Variants in ERAP1 observed in about 807,000 individuals in gnomAD.
ERAP1 encodes the protein adipocyte-derived leucine aminopeptidase.
ERAP1 carries 86 observed loss-of-function variants against 103.7 expected under a neutral mutation model. The ratio of observed to expected loss-of-function variants is 0.83; its 90% CI spans 0.70 to 0.99. The LOEUF (loss-of-function observed/expected upper bound fraction) is 0.99, where lower values mean the gene tolerates loss of function less well. Ranked by LOEUF, ERAP1 falls within the 50% of genes least tolerant of loss-of-function variation. ERAP1 has a pLI of 0.00. For synonymous variants in ERAP1, 398 were observed against 402.4 expected, an observed-to-expected ratio of 0.99 and a Z score of 0.13; for missense variants, 1,009 against 1,128.4, an observed-to-expected ratio of 0.89 and a Z score of 1.52.
the ERAP1 span, chr5:96,903,668 T>C: frequency 2.9e-6 from 3 of 1,048,838 alleles, no homozygotes; most frequent in Non-Finnish European, 4.1e-6. Flanking sequence ...AATATGGATT[T>C]GAATGGAATT....
the ERAP1 span, chr5:96,873,357 T>C: frequency 1.4e-4 from 62 of 456,250 alleles, no homozygotes; most frequent in East Asian, 3.3e-3. Flanking sequence ...TGGTGCGTGG[T>C]CCATTGCCTG....
chr5:96,844,454 A>T, the ERAP1 span, among the ~76,000 whole-genome samples: 1 of 152,070 alleles, frequency 6.6e-6, no homozygotes, highest in Non-Finnish European at 1.5e-5. Context: ...TTATTTATTT[A>T]TTTTTTGCTT....
the ERAP1 span, chr5:96,909,055 T>C: frequency 9.3e-6 from 15 of 1,614,204 alleles, no homozygotes; most frequent in Middle Eastern, 4.9e-4. Flanking sequence ...TCTGAGTTAC[T>C]TGGAATCGTT....
chr5:96,802,273 T>G (rs78657232), intron 2 of ERAP1, among the ~76,000 whole-genome samples: 3,519 of 152,218 alleles, frequency 0.023, 60 homozygotes, highest in Middle Eastern at 0.055. Context: ...ACTATGTATT[T>G]TAATAAAATC....
the ERAP1 span, chr5:96,896,724 T>C: frequency 6.4e-7 from 1 of 1,563,452 alleles, no homozygotes; most frequent in Non-Finnish European, 8.6e-7. Context: ...TTTTGTTTTT[T>C]TTTAAAGGGA....
chr5:96,784,957 T>A (rs1200352753), intron 13 of ERAP1: 1 of 152,118 alleles, frequency 6.6e-6, no homozygotes, highest in African/African-American at 2.4e-5. Flanking sequence ...AAGAAACAGC[T>A]AGGTAAGCAA....
chr5:96,786,598 AGC>A, intron 11 of ERAP1, 49 bp from the exon 12 acceptor site: 10 of 1,252,310 alleles, frequency 8.0e-6, no homozygotes, highest in Non-Finnish European at 1.1e-5. Context: ...CAATTCAACA[AGC>A]AGTTATTAAA....
the ERAP1 span, among the ~76,000 whole-genome samples, chr5:96,863,337 A>T: frequency 6.6e-6 from 1 of 152,160 alleles, no homozygotes; most frequent in Admixed American, 6.5e-5. Context: ...CCACCTCCTT[A>T]GCCCTCTGCA....
At chr5:96,780,872 C>T (rs1191671478) in intron 17 of ERAP1, among the ~76,000 whole-genome samples, 186 bp downstream of exon 17, 4 of 152,152 alleles carry the variant, frequency 2.6e-5, no homozygotes, top group African/African-American at 4.8e-5. Context: ...ACATCCCTGT[C>T]CAGATTCACT....
chr5:96,899,102 T>C, the ERAP1 span, among the ~76,000 whole-genome samples: 1 of 152,220 alleles, frequency 6.6e-6, no homozygotes, highest in African/African-American at 2.4e-5. Context: ...TGTCACATCA[T>C]GCTTATAATC....
chr5:96,760,862 C>G (rs1241517057), exon 20 of ERAP1: 1 of 151,466 alleles, frequency 6.6e-6, no homozygotes, highest in Non-Finnish European at 1.5e-5. Context: ...TTTTATAACT[C>G]AATAAAATTA....
At chr5:96,898,024 C>T in the ERAP1 span, among the ~76,000 whole-genome samples, 2 of 152,078 alleles carry the variant, frequency 1.3e-5, no homozygotes, top group Admixed American at 6.5e-5. Context: ...CGTGGAACCC[C>T]GTCTGTACTA....
chr5:96,895,062 G>A, the ERAP1 span, among the ~76,000 whole-genome samples: 3 of 152,000 alleles, frequency 2.0e-5, no homozygotes, highest in Non-Finnish European at 4.4e-5. Context: ...AAGCAAAAAT[G>A]TGGTGGTGAG....
intron 18 of ERAP1, 31 bp downstream of exon 18, chr5:96,780,392 A>T (rs1231856554): frequency 2.7e-6 from 4 of 1,461,350 alleles, no homozygotes; most frequent in South Asian, 1.3e-5. Flanking sequence ...ATTTATGTTT[A>T]AAAATATATA....
the ERAP1 span, chr5:96,913,394 G>A: frequency 5.8e-5 from 94 of 1,613,932 alleles, no homozygotes; most frequent in Admixed American, 6.8e-4. Context: ...ATTGCCAGAC[G>A]TCCAAAGGGG....
the ERAP1 span, chr5:96,886,940 G>A: frequency 1.5e-6 from 1 of 664,160 alleles, no homozygotes; most frequent in Non-Finnish European, 2.1e-6. Context: ...ATTATCCATA[G>A]TCCTGTCACC....
the ERAP1 span, among the ~76,000 whole-genome samples, chr5:96,922,323 A>T: frequency 6.6e-6 from 1 of 152,132 alleles, no homozygotes; most frequent in African/African-American, 2.4e-5. Flanking sequence ...AAACAAAAAA[A>T]ACTGTTTTCT....
rs765558492 is a variant in ERAP1 at position 96,781,841 on chromosome 5, C to T, written c.2299G>A (p.Val767Met). Residue 767 changes from valine (V) to methionine (M), a missense_variant, in exon 16 of 19, where the codon GTG becomes ATG. Around this residue, in one of 3 missense-constraint regions of ERAP1, gnomAD observed 611 missense variants for 651.7 expected, o/e 0.94. Transcript: ENST00000443439. ...CCCACAGCAAACACTGCCAAGGTCA[C>T]GTCGACAGGCAGGCTATAGAAAGGA... ...SNGNLSLPVD[V>M]TLAVFAVGAQ... 1.2e-6 allele frequency: 2 copies of T among 1,613,840 alleles called. No individual in the cohort carries two copies. Among genetic ancestry groups the T allele is most frequent in the South Asian group, 1.1e-5 (1 of 91,080 alleles).
At chr5:96,810,934 C>G (rs1779112594), upstream of ERAP1, among the ~76,000 whole-genome samples, 1 of 152,084 alleles carries the variant, frequency 6.6e-6, no homozygotes, top group Admixed American at 6.6e-5. Flanking sequence ...AAAATCTCAT[C>G]CAGAATCATG....
Sources: allele counts gnomAD v4.1 joint callset (sites outside exome capture counted in the v4.1 genomes callset), GRCh38; gene constraint gnomAD v4.1.1; regional missense constraint gnomAD v4.1.1; transcripts MANE v1.5; gene names NCBI Gene and HGNC (gene_info 2026-07-23, HGNC 2026-07-21).